Variants in STX7 observed in about 807,000 individuals in gnomAD.
The protein encoded by STX7 is syntaxin-7.
Under a neutral mutation model 39.6 loss-of-function variants are expected in STX7, and 34 were observed. The observed-to-expected ratio is 0.86, with a 90% CI of 0.65 to 1.14. The LOEUF is 1.14. Among genes scored for constraint, STX7 ranks in the 50% most tolerant of loss-of-function variants. STX7 has a pLI of 0.00. For missense variants in STX7, 284 were observed against 310.4 expected (o/e 0.92, Z 0.64); for synonymous variants, 119 against 99.1 (o/e 1.20, Z -1.19).
At chr6:132,500,166 TA>T (rs1019298041) in intron 2 of STX7, among the ~76,000 whole-genome samples, 4 of 152,228 alleles carry the variant, frequency 2.6e-5, no homozygotes, top group African/African-American at 9.6e-5. Context: ...GTCTATTTTC[TA>T]AGCAGCAGCC....
intron 2 of STX7, among the ~76,000 whole-genome samples, chr6:132,482,413 A>T (rs924804947): frequency 6.6e-6 from 1 of 152,194 alleles, no homozygotes; most frequent in Non-Finnish European, 1.5e-5. Flanking sequence ...TCAAATTTGG[A>T]AAAAATATTA....
intron 5 of STX7, among the ~76,000 whole-genome samples, chr6:132,470,942 A>T (rs1669804691): frequency 6.6e-6 from 1 of 152,216 alleles, no homozygotes; most frequent in Non-Finnish European, 1.5e-5. Flanking sequence ...CCATATGTTA[A>T]TGAATAAGAA....
intron 2 of STX7, among the ~76,000 whole-genome samples, chr6:132,503,154 C>A (rs1459017033): frequency 6.6e-6 from 1 of 152,108 alleles, no homozygotes; most frequent in Admixed American, 6.5e-5. Context: ...TCATCTAGAA[C>A]CAGATAGCTT....
rs1389153431 is a variant in STX7, at chr6:132,447,958, AAAGTGTTTTTC to A, written c.*12789_*12799del. 6.6e-6 allele frequency: 1 copy of A among 152,014 alleles called. No individual in the cohort carries two copies. The highest frequency in any genetic ancestry group is 2.4e-5 in the African/African-American group (1 of 41,398). 9.4% of individuals were successfully genotyped at this position (152,014 alleles called of 1,614,324 possible). A position where few individuals can be genotyped will look rare whatever the true frequency, so the allele number is the denominator to read the frequency against. On this transcript the variant is annotated 3_prime_UTR_variant, in exon 10 of 10. Coordinates refer to ENST00000367941, the MANE Select transcript of STX7 (RefSeq NM_003569.3). The stretch of plus-strand genomic sequence containing the variant: ...GTGGTCTATCAAAGTTGGGATTTCT[AAAGTGTTTTTC>A]CCTTATTTCAGAATGTTTCCTCTCT...
intron 1 of STX7, among the ~76,000 whole-genome samples, chr6:132,505,069 C>T (rs1331573619): frequency 2.6e-5 from 4 of 152,062 alleles, no homozygotes; most frequent in African/African-American, 4.8e-5. Flanking sequence ...CGCACATCTG[C>T]GACACAAAAA....
chr6:132,462,603 G>T (rs2114351607), intron 9 of STX7, among the ~76,000 whole-genome samples: 1 of 151,758 alleles, frequency 6.6e-6, no homozygotes, highest in East Asian at 1.9e-4. Flanking sequence ...GTGTGTGTGT[G>T]TGTGTGTGTG....
intron 2 of STX7, among the ~76,000 whole-genome samples, chr6:132,485,883 C>T (rs560262978): frequency 3.1e-4 from 47 of 152,216 alleles, no homozygotes; most frequent in African/African-American, 1.1e-3. Context: ...TATAAGCTTT[C>T]TTTAATTTCA....
In STX7 at chr6:132,478,935, C is replaced by T. The variant is rs186367392; in HGVS notation, c.86-3273G>A. ...TTTCGTTGTCAAGGATACGGATCAT[C>T]TCCTCCTACAGGACACTACATTAGT... On this transcript the variant is annotated intron_variant, in intron 2 of 9. Transcript: ENST00000367941. Among the ~76,000 whole-genome samples the T allele has an allele frequency of 3.5e-4, 53 of 152,306 alleles. No homozygotes were observed. In the East Asian group the frequency reaches 9.1e-3, roughly 26 times the overall value.
chr6:132,475,494 T>G, intron 3 of STX7, 99 bp downstream of exon 3: 1 of 693,384 alleles, frequency 1.4e-6, no homozygotes, highest in East Asian at 3.2e-5. Flanking sequence ...TTTCCATTTT[T>G]TCTTCCAGTA....
At chr6:132,507,941 T>C (rs1178202248) in intron 1 of STX7, among the ~76,000 whole-genome samples, 1 of 152,246 alleles carries the variant, frequency 6.6e-6, no homozygotes, top group Non-Finnish European at 1.5e-5. Flanking sequence ...TTCTCTCGTG[T>C]CTACATGTCT....
Position 132,483,337 on chromosome 6 carries a change from T to C in STX7, c.86-7675A>G, listed in dbSNP as rs573889576. The stretch of plus-strand genomic sequence containing the variant: ...GTTATAGTGTACTGTGTTTTATTTT[T>C]AAAATTTTTCTGAATATTTTTGTTC... On this transcript the variant is annotated intron_variant, in intron 2 of 9. Coordinates refer to ENST00000367941, the MANE Select transcript of STX7 (RefSeq NM_003569.3). Among the ~76,000 whole-genome samples, 3 of 152,346 alleles carry C rather than the reference T, an allele frequency of 2.0e-5. No homozygotes were observed. In the South Asian group the frequency reaches 6.2e-4, roughly 32 times the overall value.
intron 7 of STX7, 151 bp from the exon 8 acceptor site, chr6:132,468,626 G>A: frequency 4.7e-5 from 24 of 508,440 alleles, no homozygotes; most frequent in South Asian, 9.2e-5. Context: ...GGAAATATCA[G>A]GAAAATATTT....
intron 1 of STX7, 50 bp from the exon 2 acceptor site, chr6:132,503,638 C>T (rs1034374777): frequency 1.3e-6 from 1 of 772,578 alleles, no homozygotes; most frequent in Non-Finnish European, 2.1e-6. Flanking sequence ...TACTGGCTTA[C>T]ATTTTCCAAA....
At chr6:132,512,283 G>GT (rs142985623) in intron 1 of STX7, among the ~76,000 whole-genome samples, 23,836 of 152,084 alleles carry the variant, frequency 0.16, 2,005 homozygotes, top group Middle Eastern at 0.2. Flanking sequence ...CCAAACAAAT[G>GT]TAAGAAATTT....
chr6:132,469,191 A>G (rs1774642106), intron 7 of STX7, among the ~76,000 whole-genome samples: 1 of 152,194 alleles, frequency 6.6e-6, no homozygotes, highest in African/African-American at 2.4e-5. Flanking sequence ...GTTCCATAAG[A>G]ACTATGACTT....
chr6:132,478,589 G>A lies in STX7; in HGVS notation c.86-2927C>T, dbSNP rs1164261741. 3.3e-5 allele frequency among the ~76,000 whole-genome samples: 5 copies of A among 152,278 alleles called. No individual in the cohort carries two copies. The East Asian group carries it at 7.7e-4, about 24-fold the overall frequency. ...AATGCCACCATCAAGGACAGAAAGA[G>A]CAGGGAGTGGACATGCCTCTCATTC... On this transcript the variant is annotated intron_variant, in intron 2 of 9. Coordinates refer to ENST00000367941, the MANE Select transcript of STX7 (RefSeq NM_003569.3).
intron 8 of STX7, 94 bp from the exon 9 acceptor site, chr6:132,464,169 TG>T: frequency 1.6e-6 from 2 of 1,233,818 alleles, no homozygotes; most frequent in Non-Finnish European, 2.4e-6. Context: ...AGATTAAATA[TG>T]GTCATTATTC....
intron 1 of STX7, among the ~76,000 whole-genome samples, chr6:132,512,653 C>A (rs1175754071): frequency 2.0e-5 from 3 of 152,210 alleles, no homozygotes; most frequent in Admixed American, 1.3e-4. Context: ...CTGAGCTGGG[C>A]CCCAGCCGGC....
intron 2 of STX7, among the ~76,000 whole-genome samples, chr6:132,482,090 G>A (rs1469122467): frequency 6.6e-6 from 1 of 152,092 alleles, no homozygotes; most frequent in Admixed American, 6.6e-5. Context: ...TTTTATGAGT[G>A]AACCATAAAA....
Sources: allele counts gnomAD v4.1 joint callset (sites outside exome capture counted in the v4.1 genomes callset), GRCh38; gene constraint gnomAD v4.1.1; transcripts MANE v1.5; gene names NCBI Gene and HGNC (gene_info 2026-07-23, HGNC 2026-07-21).